The following ABHD12B variants were observed in gnomAD, a reference collection of about 807,000 sequenced individuals.
ABHD12B encodes protein ABHD12B.
Under a neutral mutation model 50.4 loss-of-function variants are expected in ABHD12B, and 42 were observed. That is an observed-to-expected ratio of 0.83 (90% CI 0.65 to 1.08). The LOEUF (loss-of-function observed/expected upper bound fraction) is 1.08, where lower values mean the gene tolerates loss of function less well. ABHD12B is among the 50% of genes least tolerant of loss of function. The pLI is 0.00. For missense variants in ABHD12B, 479 were observed against 447.7 expected (o/e 1.07, Z -0.63); for synonymous variants, 167 against 160.3 (o/e 1.04, Z -0.32).
chr14:50,886,551 C>T (rs1057015963), intron 7 of ABHD12B, 96 bp from the exon 8 acceptor site: 6 of 1,216,962 alleles, frequency 4.9e-6, no homozygotes, highest in African/African-American at 1.5e-5. Context: ...ATTTTTCTAA[C>T]CAGAGAGCCC....
chr14:50,880,909 A>G (rs2049933940), intron 4 of ABHD12B, among the ~76,000 whole-genome samples: 1 of 152,210 alleles, frequency 6.6e-6, no homozygotes, highest in South Asian at 2.1e-4. Context: ...GGCACGCATT[A>G]TGGGGGAAAG....
rs750691867 is a variant in ABHD12B, at chr14:50,880,469, G to A, written c.353G>A (p.Cys118Tyr). Residue 118 changes from cysteine to tyrosine, a missense_variant, in exon 4 of 13, where the codon TGC becomes TAC. Cys to Tyr is a radical substitution (Grantham distance 194). Transcript: ENST00000337334. ...MLGIWHTVPS[C>Y]RGEDAKGKDC... ...CTCTTCAGGCACACAGTCCCCAGCT[G>A]CCGGGGGGAAGATGCCAAGGGGAAG... 1.2e-6 allele frequency: 2 copies of A among 1,609,766 alleles called. No individual in the cohort carries two copies. The highest frequency in any genetic ancestry group is 1.7e-6 in the Non-Finnish European group (2 of 1,178,034).
intron 9 of ABHD12B, among the ~76,000 whole-genome samples, chr14:50,890,202 T>A (rs2050099303): frequency 6.6e-6 from 1 of 152,246 alleles, no homozygotes; most frequent in Non-Finnish European, 1.5e-5. Context: ...ATTCATTAAA[T>A]TGTAGGTATG....
rs894942332 is a variant in ABHD12B, at chr14:50,872,209, C to T, written c.35C>T (p.Pro12Leu). The T allele has an allele frequency of 2.9e-5, 40 of 1,377,540 alleles. No homozygotes were observed. In the African/African-American group the frequency reaches 5.1e-4, roughly 18 times the overall value. 85.3% of individuals were successfully genotyped at this position (1,377,540 alleles called of 1,614,324 possible). A position where few individuals can be genotyped will look rare whatever the true frequency, so the allele number is the denominator to read the frequency against. The change falls in exon 1 of 13, where the codon CCC (proline) becomes CTC (leucine). Residue 12 changes from proline to leucine, a missense_variant. Pro to Leu is a moderately conservative substitution (Grantham distance 98, BLOSUM62 -3). Coordinates refer to ENST00000337334, the MANE Select transcript of ABHD12B (RefSeq NM_001206673.2). ...DAQDCQAAASPEPPGPPARSC... is the reference protein window; with the variant it reads ...DAQDCQAAASLEPPGPPARSC... ...CAGGACTGCCAGGCGGCCGCATCGC[C>T]CGAGCCGCCCGGGCCCCCAGCCCGT...
At chr14:50,896,599 GCTGCC>G (rs1230912814) in intron 9 of ABHD12B, among the ~76,000 whole-genome samples, 27 of 127,110 alleles carry the variant, frequency 2.1e-4, no homozygotes, top group Non-Finnish European at 7.0e-5. Context: ...TGGCTCAGAA[GCTGCC>G]CCACCTTAAC....
At chr14:50,895,497 C>A (rs573592885) in intron 9 of ABHD12B, 5 of 152,246 alleles carry the variant, frequency 3.3e-5, no homozygotes, top group Admixed American at 2.0e-4. Flanking sequence ...GCCCGGGATT[C>A]CTCCTAAGCC....
chr14:50,876,111 A>G (rs1317628463), intron 1 of ABHD12B, among the ~76,000 whole-genome samples: 1 of 152,208 alleles, frequency 6.6e-6, no homozygotes, highest in Non-Finnish European at 1.5e-5. Context: ...CTCTAAAATC[A>G]GAACAACAAT....
At chr14:50,903,657 G>A (rs2050293038) in intron 11 of ABHD12B, among the ~76,000 whole-genome samples, 190 bp downstream of exon 11, 2 of 152,178 alleles carry the variant, frequency 1.3e-5, no homozygotes, top group Admixed American at 1.3e-4. Flanking sequence ...TCAAAGGAGT[G>A]TTTGTGGCAG....
At chr14:50,888,614 C>T (rs539781707) in intron 8 of ABHD12B, among the ~76,000 whole-genome samples, 2 of 152,040 alleles carry the variant, frequency 1.3e-5, no homozygotes, top group South Asian at 2.1e-4. Context: ...AGGGTGGAAG[C>T]GTGTTAAAAT....
chr14:50,881,581 A>C lies in ABHD12B; in HGVS notation c.456-15A>C. ...ATTCTTGCTTTTTTTTTTTTTTTTT[A>C]AACTTCCTTCACAGGGCAGCTTCGC... On this transcript the variant is annotated splice_polypyrimidine_tract_variant and intron_variant, in intron 4 of 12. Coordinates refer to ENST00000337334, the MANE Select transcript of ABHD12B (RefSeq NM_001206673.2). 3 of 1,066,640 alleles carry C rather than the reference A, an allele frequency of 2.8e-6. No individual in the cohort carries two copies. Among genetic ancestry groups the C allele is most frequent in the Non-Finnish European group, 3.6e-6 (3 of 830,772 alleles). The allele number at this position is 1,066,640 out of a possible 1,614,324, so 66.1% of individuals were successfully genotyped here. A position where few individuals can be genotyped will look rare whatever the true frequency, so the allele number is the denominator to read the frequency against.
At chr14:50,887,676 C>G (rs1425032835) in intron 8 of ABHD12B, among the ~76,000 whole-genome samples, 2 of 152,124 alleles carry the variant, frequency 1.3e-5, no homozygotes, top group African/African-American at 4.8e-5. Context: ...TTACTCTTCT[C>G]CTGAAAGGCA....
rs2050305063 is a variant in ABHD12B, at chr14:50,904,420, A to G, written c.*54A>G. 1 of 1,608,366 alleles carries G rather than the reference A, an allele frequency of 6.2e-7. No homozygotes were observed. The highest frequency in any genetic ancestry group is 1.1e-5 in the South Asian group (1 of 90,984). ...AGACTTGGCCCAAACACCACCTGTG[A>G]TGTATATTGTTCTAATGTAAAATTG... is the stretch of plus-strand genomic sequence containing the variant. On this transcript the variant is annotated 3_prime_UTR_variant, in exon 13 of 13. Transcript: ENST00000337334.
intron 8 of ABHD12B, among the ~76,000 whole-genome samples, chr14:50,886,941 T>C (rs1024769427): frequency 6.6e-6 from 1 of 152,088 alleles, no homozygotes; most frequent in Non-Finnish European, 1.5e-5. Flanking sequence ...CCTTGGCCGA[T>C]GTGGTGGCTC....
rs78896478 is a variant in ABHD12B, at chr14:50,881,777, C to T, written c.486+151C>T. 364 of 845,966 alleles carry T rather than the reference C, an allele frequency of 4.3e-4. 1 individual carries two copies. The highest frequency in any genetic ancestry group is 2.4e-3 in the East Asian group (99 of 40,850). 52.4% of individuals were successfully genotyped at this position (845,966 alleles called of 1,614,324 possible). ...TGGTGTCTGGGGCTCAAAGTCCCAC[C>T]GGTGGACTTCTGCTCCTACACTGAT... On this transcript the variant is annotated intron_variant, in intron 5 of 12. Transcript: ENST00000337334.
chr14:50,884,509 G>C (rs543280763), intron 5 of ABHD12B, among the ~76,000 whole-genome samples: 1 of 152,158 alleles, frequency 6.6e-6, no homozygotes, highest in East Asian at 1.9e-4. Flanking sequence ...GTGAATCTTC[G>C]TTCTAGTTCT....
intron 10 of ABHD12B, among the ~76,000 whole-genome samples, chr14:50,903,172 AT>A (rs2050282706): frequency 6.6e-6 from 1 of 152,114 alleles, no homozygotes; most frequent in Admixed American, 6.5e-5. Context: ...AGCCAGTTAA[AT>A]TGCATGAGTA....
At chr14:50,897,149 G>A (rs1392124961) in intron 9 of ABHD12B, among the ~76,000 whole-genome samples, 1 of 145,452 alleles carries the variant, frequency 6.9e-6, no homozygotes, top group Non-Finnish European at 1.5e-5. Flanking sequence ...CTCAGCTCAT[G>A]GCAACCTCTG....
intron 9 of ABHD12B, among the ~76,000 whole-genome samples, chr14:50,890,217 A>G (rs976260851): frequency 9.2e-5 from 14 of 152,210 alleles, no homozygotes; most frequent in African/African-American, 3.4e-4. Flanking sequence ...GGTATGTAAC[A>G]TAAGTCAAAT....
rs1180310633 is a variant in ABHD12B, at chr14:50,903,401, TTCTTCTCC to T, written c.884_891del (p.Pro295HisfsTer7). 1.1e-5 allele frequency: 18 copies of T among 1,611,766 alleles called. No individual in the cohort carries two copies. The highest frequency in any genetic ancestry group is 1.5e-5 in the Non-Finnish European group (18 of 1,178,512). On this transcript the variant is annotated frameshift_variant, in exon 11 of 13. Transcript: ENST00000337334. LOFTEE classifies it high-confidence loss of function. The stretch of plus-strand genomic sequence containing the variant: ...TACTTGTCCCTAGTGTTAAATTCCT[TTCTTCTCC>T]TCTTCTCATCTTACATGGAGAGGAT...
Sources: gnomAD v4.1 joint callset for allele counts (sites outside exome capture counted in the v4.1 genomes callset) on GRCh38, gnomAD v4.1.1 for gene constraint, MANE v1.5 for transcripts, NCBI Gene and HGNC (gene_info 2026-07-23, HGNC 2026-07-21) for gene names.